The following NSF variants were observed in gnomAD, a reference collection of about 807,000 sequenced individuals.
The protein encoded by NSF is vesicle-fusing ATPase.
NSF carries 14 observed loss-of-function variants against 50.3 expected under a neutral mutation model. The observed-to-expected ratio is 0.28, with a 90% CI of 0.18 to 0.44. NSF has a LOEUF of 0.44. NSF is among the 20% of genes least tolerant of loss of function. NSF has a pLI of 1.00. For synonymous variants in NSF, 109 were observed against 175.7 expected (o/e 0.62, Z 3.00); for missense variants, 218 against 504.3 (o/e 0.43, Z 5.44).
At chr17:46,736,766 T>A (rs6503809) in intron 17 of NSF, among the ~76,000 whole-genome samples, 22,656 of 152,216 alleles carry the variant, frequency 0.15, 3,350 homozygotes, top group East Asian at 0.6. Context: ...ATGTATAATA[T>A]ATTTTTAACC....
rs557250568 is a variant in NSF at position 46,745,404 on chromosome 17, T to G, written c.1909-4369T>G. Among the ~76,000 whole-genome samples the G allele has an allele frequency of 4.1e-4, 63 of 152,304 alleles. No individual in the cohort carries two copies. In the South Asian group the frequency reaches 0.012, roughly 30 times the overall value. On this transcript the variant is annotated intron_variant, in intron 17 of 20. Coordinates refer to ENST00000398238, the MANE Select transcript of NSF (RefSeq NM_006178.4). ...GCCTGGGTCATGACCTCTTTGCAGT[T>G]TTTGGAGTCTTGTTAAACAAGAAGG...
chr17:46,749,011 G>T (rs997716192), intron 17 of NSF, among the ~76,000 whole-genome samples: 2 of 152,156 alleles, frequency 1.3e-5, no homozygotes, highest in African/African-American at 2.4e-5. Flanking sequence ...GGGAAGGGGG[G>T]TAGTGCAAAA....
rs370615935 is a variant in NSF, at chr17:46,753,843, T to C, written c.2158-1471T>C. On this transcript the variant is annotated intron_variant, in intron 19 of 20. Coordinates refer to ENST00000398238, the MANE Select transcript of NSF (RefSeq NM_006178.4). ...TTTCGTGCAGCTGAGTGAATTCTCT[T>C]TAGATCTGCCTTAGAGAGGCTGAAC... is the stretch of plus-strand genomic sequence containing the variant. 4.6e-5 allele frequency among the ~76,000 whole-genome samples: 7 copies of C among 152,304 alleles called. No individual in the cohort carries two copies. The South Asian group carries it at 1.2e-3, about 27-fold the overall frequency.
intron 9 of NSF, among the ~76,000 whole-genome samples, chr17:46,678,569 A>G (rs1474926955): frequency 6.9e-6 from 1 of 145,044 alleles, no homozygotes; most frequent in African/African-American, 2.6e-5. Flanking sequence ...GAGAAAGAGG[A>G]TGAATCAAAA....
chr17:46,662,609 CATG>C (rs2058315086), intron 8 of NSF, among the ~76,000 whole-genome samples: 1 of 130,834 alleles, frequency 7.6e-6, no homozygotes, highest in South Asian at 2.3e-4. Flanking sequence ...ACAGAACAAG[CATG>C]ATACTACTTC....
At chr17:46,718,232 G>T (rs2058793821) in intron 15 of NSF, among the ~76,000 whole-genome samples, 1 of 152,074 alleles carries the variant, frequency 6.6e-6, no homozygotes, top group African/African-American at 2.4e-5. Context: ...GCCCCAACAC[G>T]TGCACCCCTG....
At chr17:46,609,182 C>A (rs2057980854) in intron 1 of NSF, among the ~76,000 whole-genome samples, 1 of 147,870 alleles carries the variant, frequency 6.8e-6, no homozygotes, top group Non-Finnish European at 1.5e-5. Context: ...CTTGACCTAA[C>A]TGTTGGTTAC....
chr17:46,709,487 C>A (rs535212039), intron 13 of NSF, among the ~76,000 whole-genome samples: 5 of 151,600 alleles, frequency 3.3e-5, no homozygotes, highest in Non-Finnish European at 7.4e-5. Flanking sequence ...CAAAAGCCAG[C>A]CTATAATTTT....
At chr17:46,728,711 A>AT in intron 16 of NSF, 144 bp from the exon 17 acceptor site, 1 of 459,634 alleles carries the variant, frequency 2.2e-6, no homozygotes. Context: ...TTACTCTTTA[A>AT]ATTTTTTTTT....
chr17:46,655,749 C>A (rs1173006704), intron 8 of NSF, among the ~76,000 whole-genome samples: 1 of 42,766 alleles, frequency 2.3e-5, no homozygotes, highest in Non-Finnish European at 3.9e-5. Flanking sequence ...ATGGGTGATA[C>A]TAAATGAAAT....
rs1200848668 is a variant in NSF, at chr17:46,694,404, A to G, written c.1187-71A>G. ...TCTGTCTCAAAATAATAGTAATAAT[A>G]ATAATGATAATCTCCTCTGATGGTG... is the stretch of plus-strand genomic sequence containing the variant. On this transcript the variant is annotated intron_variant, in intron 11 of 20. Transcript: ENST00000398238. 9 of 1,117,852 alleles carry G rather than the reference A, an allele frequency of 8.1e-6. 1 individual carries two copies. In the South Asian group the frequency reaches 1.1e-4, roughly 13 times the overall value. The allele number at this position is 1,117,852 out of a possible 1,614,324, so 69.2% of individuals were successfully genotyped here. A position where few individuals can be genotyped will look rare whatever the true frequency, so the allele number is the denominator to read the frequency against.
At chr17:46,733,127 A>T (rs373546321) in intron 17 of NSF, among the ~76,000 whole-genome samples, 1 of 152,326 alleles carries the variant, frequency 6.6e-6, no homozygotes, top group South Asian at 2.1e-4. Context: ...TTCCAGTGAG[A>T]TTCCTAACGC....
Position 46,719,345 on chromosome 17 carries a change from C to CT in NSF, c.1761+5360dup, listed in dbSNP as rs1188555738. Among the ~76,000 whole-genome samples the CT allele has an allele frequency of 6.6e-6, 1 of 152,180 alleles. No homozygotes were observed. Among genetic ancestry groups the CT allele is most frequent in the Non-Finnish European group, 1.5e-5 (1 of 68,028 alleles). Reference sequence around the variant, plus strand: ...CAGGTAAGAGTTTTAGTAGAGAGGGCTGTTAGGCTTGCTTTAATGAGTACA... The same window carrying CT: ...CAGGTAAGAGTTTTAGTAGAGAGGGCTTGTTAGGCTTGCTTTAATGAGTACA... On this transcript the variant is annotated intron_variant, in intron 15 of 20. Transcript: ENST00000398238. The surrounding 1 kb of genome is among the most constrained non-coding windows in gnomAD (Gnocchi z 4.3).
At chr17:46,721,427 T>TTC (rs943035460) in intron 15 of NSF, among the ~76,000 whole-genome samples, 3 of 152,208 alleles carry the variant, frequency 2.0e-5, no homozygotes, top group African/African-American at 7.2e-5. Context: ...TTCTTTAGCC[T>TTC]TCTCTTTCAG....
At chr17:46,721,973 G>A in intron 15 of NSF, 1 of 1,605,208 alleles carries the variant, frequency 6.2e-7, no homozygotes, top group Non-Finnish European at 8.5e-7. Context: ...TTGAGGAACG[G>A]GAACAAAGAT....
chr17:46,726,284 A>G (rs1236812291), intron 15 of NSF, among the ~76,000 whole-genome samples: 6 of 152,212 alleles, frequency 3.9e-5, no homozygotes, highest in African/African-American at 1.4e-4. Context: ...GTGTGATAGA[A>G]GTGATGGGAT....
In NSF at chr17:46,756,554, CAT is replaced by C. The variant is rs1044225067; in HGVS notation, c.*732_*733del. The C allele has an allele frequency of 2.0e-5, 3 of 152,372 alleles. No individual in the cohort carries two copies. Among genetic ancestry groups the C allele is most frequent in the Non-Finnish European group, 2.9e-5 (2 of 68,012 alleles). 9.4% of individuals were successfully genotyped at this position (152,372 alleles called of 1,614,324 possible). A position where few individuals can be genotyped will look rare whatever the true frequency, so the allele number is the denominator to read the frequency against. ...ACCACTTAGAAGATGTTGTTAAAAACATGTGAAAGATAGGTATGGAAAAAGCA... is the reference window on the plus strand; with the variant it reads ...ACCACTTAGAAGATGTTGTTAAAAACGTGAAAGATAGGTATGGAAAAAGCA... On this transcript the variant is annotated 3_prime_UTR_variant, in exon 21 of 21. Coordinates refer to ENST00000398238, the MANE Select transcript of NSF (RefSeq NM_006178.4).
At chr17:46,749,432 A>G (rs559070658) in intron 17 of NSF, among the ~76,000 whole-genome samples, 6 of 152,258 alleles carry the variant, frequency 3.9e-5, no homozygotes, top group Middle Eastern at 3.4e-3. Flanking sequence ...TTTTTCCCCA[A>G]TTCCCACCAT....
chr17:46,710,276 G>A (rs146912203), intron 13 of NSF, among the ~76,000 whole-genome samples: 1 of 152,274 alleles, frequency 6.6e-6, no homozygotes, highest in Non-Finnish European at 1.5e-5. Context: ...TTTGGCAGCT[G>A]TTTTGATGGG....
Sources: gnomAD v4.1 joint callset for allele counts (sites outside exome capture counted in the v4.1 genomes callset) on GRCh38, gnomAD v4.1.1 for gene constraint, Gnocchi (gnomAD v3.1) non-coding constraint, MANE v1.5 for transcripts, NCBI Gene and HGNC (gene_info 2026-07-23, HGNC 2026-07-21) for gene names.